Variants in ERICH1 observed in about 807,000 individuals in gnomAD.
ERICH1 encodes glutamate-rich protein 1.
In ERICH1, 56 loss-of-function variants were observed where a neutral mutation model predicts 39.6. The ratio of observed to expected loss-of-function variants is 1.41; its 90% CI spans 1.14 to 1.77. The LOEUF is 1.77. ERICH1 is among the 40% of genes most tolerant of loss of function. ERICH1 has a pLI of 0.00. For synonymous variants in ERICH1, 313 were observed against 223.6 expected (o/e 1.40, Z -3.57); for missense variants, 826 against 575.4 (o/e 1.44, Z -4.45).
At chr8:623,743 A>G (rs1451027215) in intron 3 of ERICH1, among the ~76,000 whole-genome samples, 1 of 152,218 alleles carries the variant, frequency 6.6e-6, no homozygotes, top group East Asian at 1.9e-4. Context: ...ACTAACACAA[A>G]GACTAACTCA....
intron 1 of ERICH1, among the ~76,000 whole-genome samples, chr8:716,798 C>T (rs997036506): frequency 2.0e-5 from 3 of 152,024 alleles, no homozygotes; most frequent in African/African-American, 4.8e-5. Context: ...TGACTGGAGG[C>T]GTGCAGGGAT....
rs1038773473 is a variant in ERICH1 at position 687,818 on chromosome 8, G to T, written c.304+4660C>A. Among the ~76,000 whole-genome samples the T allele has an allele frequency of 3.9e-5, 6 of 152,172 alleles. No homozygotes were observed. In the East Asian group the frequency reaches 1.2e-3, roughly 29 times the overall value. On this transcript the variant is annotated intron_variant, in intron 3 of 5. Coordinates refer to ENST00000262109, the MANE Select transcript of ERICH1 (RefSeq NM_207332.3). ...CGGGGCAGCCACGGAGGAATCGGGG[G>T]CGAGGCGCGGAGAGGCCCCGGATGC...
At chr8:635,349 C>T (rs1798342563) in intron 3 of ERICH1, among the ~76,000 whole-genome samples, 1 of 152,202 alleles carries the variant, frequency 6.6e-6, no homozygotes, top group Admixed American at 6.5e-5. Flanking sequence ...GGATAAACGC[C>T]AAGCCCGGGC....
At chr8:730,843 G>C (rs958254343) in intron 1 of ERICH1, among the ~76,000 whole-genome samples, 1 of 152,194 alleles carries the variant, frequency 6.6e-6, no homozygotes, top group Non-Finnish European at 1.5e-5. Context: ...CAGGGGCTCT[G>C]CTAAGAACAC....
intron 3 of ERICH1, among the ~76,000 whole-genome samples, chr8:635,656 C>A (rs892654731): frequency 1.3e-5 from 2 of 152,236 alleles, no homozygotes; most frequent in Non-Finnish European, 2.9e-5. Flanking sequence ...GTCCCTGCAC[C>A]CTCACGCTCA....
intron 3 of ERICH1, among the ~76,000 whole-genome samples, chr8:641,709 C>A (rs1002968781): frequency 1.3e-5 from 2 of 152,182 alleles, no homozygotes; most frequent in Non-Finnish European, 2.9e-5. Flanking sequence ...GAGCTCCTCC[C>A]GGAGGACCCC....
chr8:692,372 C>T (rs1008777259), intron 3 of ERICH1, 106 bp downstream of exon 3: 1 of 1,499,854 alleles, frequency 6.7e-7, no homozygotes, highest in Non-Finnish European at 9.0e-7. Context: ...CATGCTCACC[C>T]ACCCCCCAAG....
rs78526644 is a variant in ERICH1, at chr8:705,579, G to C, written c.169+10282C>G. On this transcript the variant is annotated intron_variant, in intron 2 of 5. Transcript: ENST00000262109. ...CCCACAGCTAACATCATACAGGATGGTGAAAACAGGGATGCTTTCTCCTCA... is the reference window on the plus strand; with the variant it reads ...CCCACAGCTAACATCATACAGGATGCTGAAAACAGGGATGCTTTCTCCTCA... Among the ~76,000 whole-genome samples the C allele has an allele frequency of 5.7e-3, 868 of 152,218 alleles. 7 individuals are homozygous for C. The highest frequency in any genetic ancestry group is 0.02 in the African/African-American group (828 of 41,520).
At chr8:667,009 C>A in intron 5 of ERICH1, 1 of 153,720 alleles carries the variant, frequency 6.5e-6, no homozygotes, top group Non-Finnish European at 1.4e-5. Context: ...CTGGTCCACG[C>A]TGCAGGTATC....
intron 3 of ERICH1, chr8:637,540 G>C (rs12682612): frequency 0.19 from 29,466 of 152,332 alleles, 3,629 homozygotes; most frequent in East Asian, 0.49. Flanking sequence ...TTCTCCCGTG[G>C]AGTCGTCCAG....
rs866353210 is a variant in ERICH1, at chr8:700,229, G to A, written c.170-7617C>T. On this transcript the variant is annotated intron_variant, in intron 2 of 5. Transcript: ENST00000262109. ...CACAGGCGCACACACCCGCACACGC[G>A]CACAGGCCCGCACAGGCCCGCACAC... Among the ~76,000 whole-genome samples the A allele has an allele frequency of 7.1e-5, 4 of 56,224 alleles. 1 individual carries two copies. The highest frequency in any genetic ancestry group is 3.8e-4 in the Admixed American group (2 of 5,206). 36.9% of individuals were successfully genotyped at this position (56,224 alleles called of 152,430 possible).
chr8:724,642 T>G (rs1214012297), intron 1 of ERICH1, among the ~76,000 whole-genome samples: 2 of 152,224 alleles, frequency 1.3e-5, no homozygotes, highest in Admixed American at 6.5e-5. Context: ...AGCTGCTTTA[T>G]GAAAATCAGG....
At chr8:649,434 T>A (rs1426310594) in intron 3 of ERICH1, among the ~76,000 whole-genome samples, 1 of 152,006 alleles carries the variant, frequency 6.6e-6, no homozygotes, top group East Asian at 1.9e-4. Flanking sequence ...GGGGCTTGCT[T>A]TTATTCTATG....
intron 3 of ERICH1, among the ~76,000 whole-genome samples, chr8:635,095 C>G (rs1184557922): frequency 1.4e-5 from 2 of 145,684 alleles, no homozygotes; most frequent in East Asian, 3.9e-4. Flanking sequence ...GCCGGAGCCA[C>G]TCAGCTAAAA....
At chr8:654,935 G>A (rs552839331) in intron 3 of ERICH1, among the ~76,000 whole-genome samples, 3 of 152,360 alleles carry the variant, frequency 2.0e-5, no homozygotes, top group African/African-American at 4.8e-5. Flanking sequence ...TTTGCTTGCG[G>A]TGACCAAATC....
In ERICH1 at chr8:658,920, G is replaced by A. The variant is rs559835497; in HGVS notation, c.976+9678C>T. Reference sequence around the variant, plus strand: ...TTCCTTCACTTGCTCTGCGACCCAGGGGCCCTTACCAGGCTCTGGATTTCA... The same window carrying A: ...TTCCTTCACTTGCTCTGCGACCCAGAGGCCCTTACCAGGCTCTGGATTTCA... On this transcript the variant is annotated intron_variant, in intron 3 of 3. Transcript: ENST00000522706. Among the ~76,000 whole-genome samples, 188 of 152,288 alleles carry A rather than the reference G, an allele frequency of 1.2e-3. 1 individual carries two copies. The highest frequency in any genetic ancestry group is 4.1e-3 in the African/African-American group (169 of 41,554).
rs1028711548 is a variant in ERICH1, at chr8:673,614, C to T, written c.738G>A (p.Arg246=). ...CACTGGCGTCCGCACCCTCTTCCTGCCTGGCCCGTGTCAGGTCTTCCTCGC... is the reference window on the plus strand; with the variant it reads ...CACTGGCGTCCGCACCCTCTTCCTGTCTGGCCCGTGTCAGGTCTTCCTCGC... ...DASEEDLTRA[R]QEEGADASEE... is the part of the protein sequence containing the mutation. Residue 246 remains arginine (R), a synonymous_variant, in exon 4 of 6, where the codon AGG becomes AGA. Coordinates refer to ENST00000262109, the MANE Select transcript of ERICH1 (RefSeq NM_207332.3). 1.5e-5 allele frequency: 23 copies of T among 1,549,408 alleles called. No individual in the cohort carries two copies. Among genetic ancestry groups the T allele is most frequent in the Non-Finnish European group, 2.0e-5 (23 of 1,127,822 alleles).
At chr8:632,952 GC>G (rs1404142539) in intron 3 of ERICH1, among the ~76,000 whole-genome samples, 1 of 152,228 alleles carries the variant, frequency 6.6e-6, no homozygotes, top group Non-Finnish European at 1.5e-5. Context: ...AGCCGTTTAG[GC>G]AAAACCATCA....
chr8:680,634 A>G (rs563846133), intron 3 of ERICH1, among the ~76,000 whole-genome samples: 5 of 152,262 alleles, frequency 3.3e-5, no homozygotes, highest in East Asian at 3.9e-4. Flanking sequence ...CAGAAAGTCC[A>G]AGAGAATCCA....
Sources: allele counts gnomAD v4.1 joint callset (sites outside exome capture counted in the v4.1 genomes callset), GRCh38; gene constraint gnomAD v4.1.1; transcripts MANE v1.5; gene names NCBI Gene and HGNC (gene_info 2026-07-23, HGNC 2026-07-21).